The following ANKS1B variants were observed in gnomAD, a reference collection of about 807,000 sequenced individuals.
ANKS1B encodes the protein ankyrin repeat and sterile alpha motif domain-containing protein 1B.
ANKS1B carries 36 observed loss-of-function variants against 148.3 expected under a neutral mutation model. The ratio of observed to expected loss-of-function variants is 0.24; its 90% CI spans 0.19 to 0.32. ANKS1B has a LOEUF of 0.32. Among genes scored for constraint, ANKS1B ranks in the 10% least tolerant of loss-of-function variants. The probability of loss-of-function intolerance (pLI) is 1.00; values close to 1 mark genes in which losing one functional copy is unlikely to be tolerated. For missense variants in ANKS1B, 1,157 were observed against 1,542.6 expected (o/e 0.75, Z 4.19); for synonymous variants, 542 against 560.8 (o/e 0.97, Z 0.47).
At chr12:98,962,539 C>G (rs2099873232) in intron 17 of ANKS1B, among the ~76,000 whole-genome samples, 1 of 151,924 alleles carries the variant, frequency 6.6e-6, no homozygotes, top group Non-Finnish European at 1.5e-5. Flanking sequence ...AACAAATGAT[C>G]CAGACAGAAA....
intron 17 of ANKS1B, among the ~76,000 whole-genome samples, chr12:98,861,094 G>A (rs925146397): frequency 9.3e-4 from 141 of 152,240 alleles, no homozygotes; most frequent in African/African-American, 3.2e-3. Flanking sequence ...TCCAGAGTTA[G>A]GTAGGCGGGA....
rs1423681633 is a variant in ANKS1B at position 98,832,091 on chromosome 12, A to G, written c.2824T>C (p.Ser942Pro). 1 of 1,596,592 alleles carries G rather than the reference A, an allele frequency of 6.3e-7. No homozygotes were observed. Among genetic ancestry groups the G allele is most frequent in the Admixed American group, 1.7e-5 (1 of 57,816 alleles). ...LIGHRKRILA[S>P]LGDRLHDDPP... Reference sequence around the variant, plus strand: ...TCGTCGTGCAGCCTGTCTCCCAGAGATGCCAAAATACGTTTCCTGTGGCCA... The same window carrying G: ...TCGTCGTGCAGCCTGTCTCCCAGAGGTGCCAAAATACGTTTCCTGTGGCCA... Residue 942 changes from serine (S) to proline (P), a missense_variant, in exon 18 of 27, where the codon TCT (serine) becomes CCT (proline). Ser to Pro is a moderately conservative substitution (Grantham distance 74, BLOSUM62 -1). Transcript: ENST00000683438.
intron 8 of ANKS1B, among the ~76,000 whole-genome samples, chr12:99,768,951 C>A (rs1034230534): frequency 2.6e-5 from 4 of 151,608 alleles, no homozygotes; most frequent in Non-Finnish European, 4.4e-5. Flanking sequence ...TCACCAGCTA[C>A]CAGCTCTGCT....
At chr12:99,800,716 C>T (rs533971044) in intron 4 of ANKS1B, among the ~76,000 whole-genome samples, 6 of 151,956 alleles carry the variant, frequency 3.9e-5, no homozygotes, top group Non-Finnish European at 7.4e-5. Context: ...GGTACAGATG[C>T]TAGATTTTCA....
intron 14 of ANKS1B, among the ~76,000 whole-genome samples, chr12:99,238,401 G>T (rs994567198): frequency 6.6e-6 from 1 of 152,180 alleles, no homozygotes; most frequent in African/African-American, 2.4e-5. Context: ...CAAAGCAGCC[G>T]GGAAGCTCCA....
At chr12:99,217,842 T>C (rs1039518390) in intron 14 of ANKS1B, among the ~76,000 whole-genome samples, 1 of 152,194 alleles carries the variant, frequency 6.6e-6, no homozygotes, top group African/African-American at 2.4e-5. Context: ...GGTTGTATTA[T>C]TCCCCTTATA....
intron 17 of ANKS1B, among the ~76,000 whole-genome samples, chr12:98,870,952 T>TGGGAGTAGGGGCAG (rs1403784278): frequency 1.3e-5 from 2 of 152,234 alleles, no homozygotes; most frequent in African/African-American, 4.8e-5. Context: ...TTATTCAGAC[T>TGGGAGTAGGGGCAG]GGGAGTAGGG....
intron 17 of ANKS1B, among the ~76,000 whole-genome samples, chr12:98,874,431 A>G (rs2099682032): frequency 6.6e-6 from 1 of 152,210 alleles, no homozygotes. Context: ...GTCTCACACA[A>G]TTTCCTTCAC....
chr12:99,326,147 A>C (rs2086261164), intron 12 of ANKS1B, among the ~76,000 whole-genome samples: 2 of 152,044 alleles, frequency 1.3e-5, no homozygotes, highest in African/African-American at 4.8e-5. Flanking sequence ...CTTCCAAGAC[A>C]CATGGGGATT....
intron 12 of ANKS1B, among the ~76,000 whole-genome samples, chr12:99,276,368 C>T (rs1450946920): frequency 1.3e-5 from 2 of 152,092 alleles, no homozygotes; most frequent in East Asian, 1.9e-4. Context: ...GATATAGGCC[C>T]TTTAAAGTGA....
chr12:99,740,197 G>A (rs947145574), intron 8 of ANKS1B, among the ~76,000 whole-genome samples: 2 of 152,050 alleles, frequency 1.3e-5, no homozygotes, highest in African/African-American at 4.8e-5. Context: ...TACAATTCCA[G>A]CTACTTGGGA....
intron 9 of ANKS1B, among the ~76,000 whole-genome samples, chr12:99,614,264 G>A (rs1011434503): frequency 6.6e-6 from 1 of 151,834 alleles, no homozygotes; most frequent in African/African-American, 2.4e-5. Flanking sequence ...GCAAAACCCC[G>A]TCTCTACCAA....
At chr12:99,794,612 A>C (rs1367454951) in intron 4 of ANKS1B, among the ~76,000 whole-genome samples, 1 of 151,986 alleles carries the variant, frequency 6.6e-6, no homozygotes, top group African/African-American at 2.4e-5. Context: ...GACAGACATC[A>C]CATGTTCTCA....
chr12:99,116,543 A>G (rs1315768576), intron 15 of ANKS1B, among the ~76,000 whole-genome samples: 2 of 152,048 alleles, frequency 1.3e-5, no homozygotes, highest in Non-Finnish European at 2.9e-5. Context: ...TTTGCCCATG[A>G]TATTTTGACC....
At chr12:99,831,079 C>T (rs1272219336) in intron 1 of ANKS1B, among the ~76,000 whole-genome samples, 1 of 151,922 alleles carries the variant, frequency 6.6e-6, no homozygotes, top group Non-Finnish European at 1.5e-5. Flanking sequence ...TGTCTGTCTC[C>T]CCACTAGAAT....
At chr12:98,747,744 T>C (rs1176658152) in intron 26 of ANKS1B, among the ~76,000 whole-genome samples, 1 of 152,166 alleles carries the variant, frequency 6.6e-6, no homozygotes, top group Non-Finnish European at 1.5e-5. Context: ...GAAAATGTGG[T>C]ATATATACAC....
intron 4 of ANKS1B, among the ~76,000 whole-genome samples, 195 bp downstream of exon 4, chr12:99,806,209 A>C (rs2067624862): frequency 1.3e-5 from 2 of 152,216 alleles, no homozygotes; most frequent in South Asian, 4.1e-4. Flanking sequence ...TCAAATTAGA[A>C]TGAGGTTAGA....
At chr12:98,910,475 A>C (rs1160231241) in intron 17 of ANKS1B, among the ~76,000 whole-genome samples, 1 of 152,226 alleles carries the variant, frequency 6.6e-6, no homozygotes, top group African/African-American at 2.4e-5. Flanking sequence ...AGGCTCCCAA[A>C]AGAGCAGAGG....
intron 5 of ANKS1B, among the ~76,000 whole-genome samples, chr12:99,780,571 C>T (rs913393929): frequency 7.2e-5 from 11 of 152,094 alleles, no homozygotes; most frequent in Non-Finnish European, 1.5e-4. Flanking sequence ...CTTGAGCCAC[C>T]ACGCCCGGCT....
Sources: allele counts gnomAD v4.1 joint callset (sites outside exome capture counted in the v4.1 genomes callset), GRCh38; gene constraint gnomAD v4.1.1; transcripts MANE v1.5; gene names NCBI Gene and HGNC (gene_info 2026-07-23, HGNC 2026-07-21).